Variants in CDH23 observed in about 807,000 individuals in gnomAD.
CDH23 encodes the protein cadherin-23.
In CDH23, 189 loss-of-function variants were observed where a neutral mutation model predicts 317.1. The observed-to-expected ratio is 0.60, with a 90% CI of 0.53 to 0.67. CDH23 has a LOEUF of 0.67. Ranked by LOEUF, CDH23 falls within the 30% of genes least tolerant of loss-of-function variation. CDH23 has a pLI of 0.00. For missense variants in CDH23, 4,401 were observed against 4,592.4 expected (o/e 0.96, Z 1.20); for synonymous variants, 1,839 against 1,876.8 (o/e 0.98, Z 0.52).
intron 2 of CDH23, among the ~76,000 whole-genome samples, chr10:71,440,571 G>A (rs1275348095): frequency 1.3e-5 from 2 of 152,198 alleles, no homozygotes; most frequent in Non-Finnish European, 2.9e-5. Context: ...CATAGTCTGA[G>A]CAAAGCTATG....
Position 71,760,318 on chromosome 10 carries a change from T to C in CDH23, c.4846-17362T>C, listed in dbSNP as rs566950246. 4.2e-3 allele frequency among the ~76,000 whole-genome samples: 612 copies of C among 144,488 alleles called. 34 individuals are homozygous for C. Among genetic ancestry groups the C allele is most frequent in the African/African-American group, 9.8e-3 (384 of 39,126 alleles). 94.8% of individuals were successfully genotyped at this position (144,488 alleles called of 152,430 possible). Reference sequence around the variant, plus strand: ...ATATATATGTATATACACACACATATATATATATATATATCCCTGAGATAA... The same window carrying C: ...ATATATATGTATATACACACACATACATATATATATATATCCCTGAGATAA... On this transcript the variant is annotated intron_variant, in intron 38 of 69. Transcript: ENST00000224721.
intron 38 of CDH23, among the ~76,000 whole-genome samples, chr10:71,760,306 TAC>T (rs142089504): frequency 5.5e-4 from 48 of 86,524 alleles, no homozygotes; most frequent in South Asian, 1.0e-3. Context: ...TATATGTATA[TAC>T]ACACACATAT....
In CDH23 at chr10:71,810,569, G is replaced by C. The variant is rs372632103; in HGVS notation, c.9077G>C (p.Arg3026Pro). The C allele has an allele frequency of 6.2e-7, 1 of 1,613,616 alleles. No individual in the cohort carries two copies. Among genetic ancestry groups the C allele is most frequent in the South Asian group, 1.1e-5 (1 of 91,074 alleles). ...RDTNRILDVD[R>P]VIQMIDENKE... ...ACCAACCGCATCCTGGACGTGGACC[G>C]GTGAGTCGGGGCCTGTGTTTGGACT... Residue 3026 changes from arginine (R) to proline (P), a missense_variant and splice_region_variant, in exon 62 of 70, where the codon CGG becomes CCG. Around this residue, in one of 3 missense-constraint regions of CDH23, gnomAD observed 1,144 missense variants for 1,138.2 expected, o/e 1.01. Coordinates refer to ENST00000224721, the MANE Select transcript of CDH23 (RefSeq NM_022124.6).
chr10:71,720,879 G>C (rs1035038995), intron 28 of CDH23, among the ~76,000 whole-genome samples: 1 of 152,184 alleles, frequency 6.6e-6, no homozygotes, highest in African/African-American at 2.4e-5. Flanking sequence ...GGGGGACTTG[G>C]TGTTTCCCCT....
chr10:71,488,509 C>A (rs1011814476), intron 3 of CDH23, among the ~76,000 whole-genome samples: 1 of 152,208 alleles, frequency 6.6e-6, no homozygotes, highest in Non-Finnish European at 1.5e-5. Flanking sequence ...CCCTCCAAAC[C>A]GATAGTATAC....
chr10:71,411,339 A>G (rs1018379434), intron 1 of CDH23, among the ~76,000 whole-genome samples: 7 of 152,122 alleles, frequency 4.6e-5, no homozygotes, highest in African/African-American at 1.7e-4. Flanking sequence ...GCATTCTTAT[A>G]TTTTTAAAAC....
intron 14 of CDH23, among the ~76,000 whole-genome samples, chr10:71,673,937 T>C (rs1794527621): frequency 1.3e-5 from 2 of 152,170 alleles, no homozygotes; most frequent in African/African-American, 4.8e-5. Flanking sequence ...TTGTTCAGCA[T>C]GCACCCCCTG....
intron 9 of CDH23, among the ~76,000 whole-genome samples, chr10:71,599,586 G>A (rs555348177): frequency 1.5e-4 from 23 of 152,236 alleles, no homozygotes; most frequent in Admixed American, 4.6e-4. Flanking sequence ...TGTTGCATCT[G>A]GGTGATGGTA....
At chr10:71,419,831 T>G (rs986461317) in intron 1 of CDH23, among the ~76,000 whole-genome samples, 29 of 152,122 alleles carry the variant, frequency 1.9e-4, no homozygotes, top group African/African-American at 6.8e-4. Context: ...ACCTGAAACT[T>G]TATTCAGGCA....
intron 49 of CDH23, among the ~76,000 whole-genome samples, chr10:71,797,915 G>A (rs182020925): frequency 6.6e-6 from 1 of 152,234 alleles, no homozygotes; most frequent in Non-Finnish European, 1.5e-5. Context: ...CCTGGCAGAT[G>A]ATGACTGCTT....
At chr10:71,584,542 C>CTGTGTGTGTGTGTG (rs138103081) in intron 9 of CDH23, among the ~76,000 whole-genome samples, 26,239 of 145,480 alleles carry the variant, frequency 0.18, 2,653 homozygotes, top group South Asian at 0.23. Context: ...GAAGGGAAGT[C>CTGTGTGTGTGTGTG]TGTGTGTGTG....
intron 11 of CDH23, among the ~76,000 whole-genome samples, chr10:71,623,428 G>T (rs946029350): frequency 6.6e-6 from 1 of 152,270 alleles, no homozygotes; most frequent in Non-Finnish European, 1.5e-5. Context: ...GAGGTGTCAG[G>T]AGGCCAGGCT....
chr10:71,415,916 GGAATTTTTATAAATATTTTTCATTGTCC>G (rs1158636864), intron 1 of CDH23, among the ~76,000 whole-genome samples: 1 of 151,800 alleles, frequency 6.6e-6, no homozygotes, highest in Non-Finnish European at 1.5e-5. Flanking sequence ...CCCAGCATGG[GGAATTTTTATAAATATTTTTCATTGTCC>G]CACAAGAATA....
intron 1 of CDH23, among the ~76,000 whole-genome samples, chr10:71,430,882 C>A (rs550037239): frequency 3.9e-5 from 6 of 152,280 alleles, no homozygotes; most frequent in Non-Finnish European, 8.8e-5. Context: ...TAGAAGGACA[C>A]CCTGCAGCTG....
Position 71,707,047 on chromosome 10 carries a change from C to A in CDH23, c.3104C>A (p.Thr1035Lys). ...AATGCAGAGCTCAGCTACTTCATCACAGGTGCTGCCCCGGCCTCCGCCCAC... is the reference window on the plus strand; with the variant it reads ...AATGCAGAGCTCAGCTACTTCATCAAAGGTGCTGCCCCGGCCTCCGCCCAC... ...GLNAELSYFI[T>K]GGNVDGKFSV... is the part of the protein sequence containing the mutation. The change falls in exon 26 of 70, where the codon ACA (threonine) becomes AAA (lysine). Residue 1035 changes from threonine to lysine, a missense_variant and splice_region_variant. Coordinates refer to ENST00000224721, the MANE Select transcript of CDH23 (RefSeq NM_022124.6). The A allele has an allele frequency of 1.9e-6, 3 of 1,601,506 alleles. No individual in the cohort carries two copies. The highest frequency in any genetic ancestry group is 2.6e-6 in the Non-Finnish European group (3 of 1,174,238).
rs1395825602 is a variant in CDH23 at position 71,759,954 on chromosome 10, TAC to T, written c.4846-17718_4846-17717del. On this transcript the variant is annotated intron_variant, in intron 38 of 69. Coordinates refer to ENST00000224721, the MANE Select transcript of CDH23 (RefSeq NM_022124.6). ...ACATATATACACACACACATATATATACACACACATATATATACACACACACA... is the reference window on the plus strand; with the variant it reads ...ACATATATACACACACACATATATATACACACATATATATACACACACACA... Among the ~76,000 whole-genome samples the T allele has an allele frequency of 4.0e-4, 25 of 62,508 alleles. 3 individuals are homozygous for T. In the South Asian group the frequency reaches 1.0e-2, roughly 25 times the overall value. The allele number at this position is 62,508 out of a possible 152,430, so 41.0% of individuals were successfully genotyped here.
intron 38 of CDH23, among the ~76,000 whole-genome samples, chr10:71,766,686 C>A (rs930744968): frequency 5.3e-5 from 8 of 152,156 alleles, no homozygotes; most frequent in African/African-American, 1.9e-4. Context: ...TCTCATAACA[C>A]CCCCAACATG....
At chr10:71,805,600 G>A (rs1177526954) in intron 55 of CDH23, among the ~76,000 whole-genome samples, 1 of 152,204 alleles carries the variant, frequency 6.6e-6, no homozygotes, top group East Asian at 1.9e-4. Context: ...CCTTAGCTTG[G>A]GTTGGGGAGG....
chr10:71,654,398 G>A (rs545649767), intron 14 of CDH23, among the ~76,000 whole-genome samples: 20 of 152,332 alleles, frequency 1.3e-4, no homozygotes, highest in African/African-American at 4.1e-4. Flanking sequence ...TCAGTCAACA[G>A]TCAGCAAAGG....
Sources: gnomAD v4.1 joint callset for allele counts (sites outside exome capture counted in the v4.1 genomes callset) on GRCh38, gnomAD v4.1.1 for gene constraint, gnomAD v4.1.1 regional missense constraint, MANE v1.5 for transcripts, NCBI Gene and HGNC (gene_info 2026-07-23, HGNC 2026-07-21) for gene names.